ROBO2: variants seen among roughly 807,000 people sequenced by gnomAD.
ROBO2 encodes the protein roundabout guidance receptor 2, also known as roundabout homolog 2.
In ROBO2, 53 loss-of-function variants were observed where a neutral mutation model predicts 160.8. That is an observed-to-expected ratio of 0.33 (90% CI 0.26 to 0.41). ROBO2 has a LOEUF of 0.41. ROBO2 is among the 10% of genes least tolerant of loss of function. The pLI, the probability that ROBO2 is intolerant of heterozygous loss-of-function variation, is 1.00. For synonymous variants in ROBO2, 664 were observed against 611.7 expected (o/e 1.09, Z -1.26); for missense variants, 1,577 against 1,722.4 (o/e 0.92, Z 1.49).
intron 1 of ROBO2, among the ~76,000 whole-genome samples, chr3:77,071,917 C>T (rs1465316592): frequency 6.6e-6 from 1 of 152,130 alleles, no homozygotes; most frequent in Admixed American, 6.6e-5. Context: ...ATTCTAGTCT[C>T]TAGAACAGGA....
At chr3:77,027,786 G>A (rs1174615977) in intron 2 of ROBO2, among the ~76,000 whole-genome samples, 1 of 152,166 alleles carries the variant, frequency 6.6e-6, no homozygotes, top group Non-Finnish European at 1.5e-5. Context: ...GTGTGTGCGT[G>A]TGTGCCAGGG....
At chr3:76,547,015 A>T (rs1465334987) in intron 2 of ROBO2, among the ~76,000 whole-genome samples, 1 of 151,976 alleles carries the variant, frequency 6.6e-6, no homozygotes, top group Non-Finnish European at 1.5e-5. Flanking sequence ...TTAATTACTT[A>T]ATTACTCTAG....
chr3:76,457,754 G>C (rs113871872), intron 2 of ROBO2, among the ~76,000 whole-genome samples: 5,362 of 152,286 alleles, frequency 0.035, 264 homozygotes, highest in African/African-American at 0.11. Context: ...TCTAGGCGGA[G>C]GTTCCCAAGC....
At chr3:76,433,961 T>C (rs2076551649) in intron 2 of ROBO2, 3 of 757,434 alleles carry the variant, frequency 4.0e-6, no homozygotes, top group Admixed American at 1.9e-5. Flanking sequence ...TCCAATACAA[T>C]CTAGAAGAAA....
chr3:77,136,298 T>G (rs1426958540), intron 2 of ROBO2, among the ~76,000 whole-genome samples: 1 of 152,186 alleles, frequency 6.6e-6, no homozygotes, highest in East Asian at 1.9e-4. Flanking sequence ...AGGTTTTTAT[T>G]TGGCCTAAGT....
chr3:75,977,256 C>T (rs1476792121), intron 2 of ROBO2, among the ~76,000 whole-genome samples: 1 of 151,346 alleles, frequency 6.6e-6, no homozygotes, highest in Admixed American at 6.6e-5. Context: ...ACGACTAGAG[C>T]ACAGATCAGA....
At chr3:77,547,878 T>G (rs2092760964) in intron 7 of ROBO2, among the ~76,000 whole-genome samples, 1 of 152,092 alleles carries the variant, frequency 6.6e-6, no homozygotes, top group Admixed American at 6.6e-5. Context: ...CTGTTTGCTT[T>G]AAAATTCTTT....
At chr3:76,055,466 T>C (rs1429637426) in intron 2 of ROBO2, among the ~76,000 whole-genome samples, 1 of 152,182 alleles carries the variant, frequency 6.6e-6, no homozygotes, top group African/African-American at 2.4e-5. Flanking sequence ...TTATACTCAA[T>C]AGGCAGTTTA....
At chr3:75,967,388 A>G (rs1430736843) in intron 2 of ROBO2, among the ~76,000 whole-genome samples, 1 of 151,640 alleles carries the variant, frequency 6.6e-6, no homozygotes, top group African/African-American at 2.4e-5. Flanking sequence ...CTAAAAGTGT[A>G]TAAGTCAACT....
At chr3:76,572,463 C>T (rs1288469280) in intron 2 of ROBO2, among the ~76,000 whole-genome samples, 1 of 152,044 alleles carries the variant, frequency 6.6e-6, no homozygotes, top group Admixed American at 6.6e-5. Flanking sequence ...CTGGTGCTAA[C>T]TGGAGGAAGC....
intron 2 of ROBO2, among the ~76,000 whole-genome samples, chr3:77,374,449 C>T (rs9866249): frequency 0.31 from 46,510 of 151,916 alleles, 7,666 homozygotes; most frequent in Non-Finnish European, 0.38. Context: ...TATGTCACTG[C>T]AGTGTCAGCC....
intron 2 of ROBO2, among the ~76,000 whole-genome samples, chr3:76,550,549 C>T (rs913306239): frequency 2.0e-5 from 3 of 152,210 alleles, no homozygotes; most frequent in African/African-American, 7.2e-5. Flanking sequence ...AGCCCTGCCC[C>T]CTTCCAAGTT....
rs71874425 is a variant in ROBO2 at position 76,323,138 on chromosome 3, T to TACACACACACACAC, written c.109+385561_109+385574dup. 8.9e-3 allele frequency among the ~76,000 whole-genome samples: 1,277 copies of TACACACACACACAC among 144,020 alleles called. 6 individuals carry two copies. Among genetic ancestry groups the TACACACACACACAC allele is most frequent in the East Asian group, 0.02 (96 of 4,778 alleles). 94.5% of individuals were successfully genotyped at this position (144,020 alleles called of 152,430 possible). On this transcript the variant is annotated intron_variant, in intron 2 of 26. Coordinates refer to the ROBO2 transcript ENST00000487694. Reference sequence around the variant, plus strand: ...CAAATCTTTTACTTATTGTTAGTATTACACACACACACACACACACACACA... The same window carrying TACACACACACACAC: ...CAAATCTTTTACTTATTGTTAGTATTACACACACACACACACACACACACACACACACACACACA...
At position 76,162,511 on chromosome 3, in the gene ROBO2, G is replaced by A. The variant is rs376467794; in HGVS notation, c.109+224909G>A. On this transcript the variant is annotated intron_variant, in intron 2 of 26. Coordinates refer to the ROBO2 transcript ENST00000487694. The stretch of plus-strand genomic sequence containing the variant: ...TGTTTTCTGTAGAGATGGAGTCTCC[G>A]TATGTTGCCCAGGTTAATATCCAAC... 1.3e-4 allele frequency among the ~76,000 whole-genome samples: 20 copies of A among 152,092 alleles called. No homozygotes were observed. In the East Asian group the frequency reaches 1.7e-3, roughly 13 times the overall value.
At chr3:77,040,774 T>G in exon 1 of ROBO2, 3 of 1,614,028 alleles carry the variant, frequency 1.9e-6, no homozygotes, top group Non-Finnish European at 8.5e-7. Flanking sequence ...GGATCCTTTT[T>G]AATATGTCAA....
At chr3:76,706,464 G>A (rs933913709) in intron 2 of ROBO2, among the ~76,000 whole-genome samples, 2 of 151,436 alleles carry the variant, frequency 1.3e-5, no homozygotes, top group African/African-American at 4.9e-5. Context: ...TTCTCTTTCT[G>A]CTCCCCCTGA....
chr3:76,577,906 G>C (rs984506250), intron 2 of ROBO2, among the ~76,000 whole-genome samples: 1 of 152,098 alleles, frequency 6.6e-6, no homozygotes, highest in South Asian at 2.1e-4. Context: ...ATAATGTCCA[G>C]TCCCTCTACA....
At chr3:76,083,791 G>A (rs1037069073) in intron 2 of ROBO2, among the ~76,000 whole-genome samples, 1 of 152,094 alleles carries the variant, frequency 6.6e-6, no homozygotes, top group Non-Finnish European at 1.5e-5. Flanking sequence ...TGAATAGCGT[G>A]TAGACTTTCT....
At chr3:76,153,906 G>T (rs1405381550) in intron 2 of ROBO2, among the ~76,000 whole-genome samples, 3 of 152,040 alleles carry the variant, frequency 2.0e-5, no homozygotes, top group African/African-American at 7.2e-5. Context: ...AGAGGAAGCT[G>T]GTGCCTCCAC....
Sources: gnomAD v4.1 joint callset for allele counts (sites outside exome capture counted in the v4.1 genomes callset) on GRCh38, gnomAD v4.1.1 for gene constraint, MANE v1.5 for transcripts, NCBI Gene and HGNC (gene_info 2026-07-23, HGNC 2026-07-21) for gene names.